EIF4A2: variants seen among roughly 807,000 people sequenced by gnomAD.
EIF4A2 encodes eukaryotic translation initiation factor 4A2, also known as eukaryotic initiation factor 4A-II.
EIF4A2 carries 9 observed loss-of-function variants against 50.6 expected under a neutral mutation model. The observed-to-expected ratio is 0.18, with a 90% CI of 0.11 to 0.31. The LOEUF (loss-of-function observed/expected upper bound fraction) is 0.31. Among genes scored for constraint, EIF4A2 ranks in the 10% least tolerant of loss-of-function variants. EIF4A2 has a pLI of 1.00. For missense variants in EIF4A2, 182 were observed against 501.8 expected (o/e 0.36, Z 6.09); for synonymous variants, 215 against 164.4 (o/e 1.31, Z -2.35).
Position 186,787,162 on chromosome 3 carries a change from G to A in EIF4A2, c.807G>A (p.Glu269=). The change falls in exon 8 of 11, where the codon GAG becomes GAA. Residue 269 remains glutamate (E), a synonymous_variant. Coordinates refer to ENST00000323963, the MANE Select transcript of EIF4A2 (RefSeq NM_001967.4). ...TGGATACACTTTGTGACTTGTACGA[G>A]ACACTGACCATTACACAGGCTGTTA... ...WKLDTLCDLY[E]TLTITQAVIF... 6.2e-7 allele frequency: 1 copy of A among 1,614,044 alleles called. No homozygotes were observed. Among genetic ancestry groups the A allele is most frequent in the African/African-American group, 1.3e-5 (1 of 75,050 alleles).
At chr3:186,786,994 C>T (rs1721767176) in intron 7 of EIF4A2, 133 bp from the exon 8 acceptor site, 1 of 1,337,976 alleles carries the variant, frequency 7.5e-7, no homozygotes, top group South Asian at 1.3e-5. Context: ...GGTTGGAACT[C>T]TGGGCTCTAA....
In EIF4A2 at chr3:186,788,764, GCT is replaced by G. The variant is rs576104134; in HGVS notation, c.1080-358_1080-357del. 4.6e-3 allele frequency: 1,089 copies of G among 237,892 alleles called. 4 individuals are homozygous for G. The highest frequency in any genetic ancestry group is 7.1e-3 in the Non-Finnish European group (859 of 120,262). 14.7% of individuals were successfully genotyped at this position (237,892 alleles called of 1,614,324 possible). A position where few individuals can be genotyped will look rare whatever the true frequency, so the allele number is the denominator to read the frequency against. Reference sequence around the variant, plus strand: ...GTGCGTCGAAATGGATTACATAACTGCTCTTTTATTCCTGGTGTTCACATCTG... The same window carrying G: ...GTGCGTCGAAATGGATTACATAACTGCTTTTATTCCTGGTGTTCACATCTG... On this transcript the variant is annotated intron_variant, in intron 10 of 10. Coordinates refer to ENST00000323963, the MANE Select transcript of EIF4A2 (RefSeq NM_001967.4).
intron 6 of EIF4A2, 64 bp downstream of exon 6, chr3:186,786,337 AC>A: frequency 6.5e-7 from 1 of 1,541,132 alleles, no homozygotes; most frequent in Non-Finnish European, 8.8e-7. Flanking sequence ...AGGTACTGTT[AC>A]AATACAACTG....
In EIF4A2 at chr3:186,785,906, T is replaced by G. The variant is rs1721677506; in HGVS notation, c.372T>G (p.Leu124=). The G allele has an allele frequency of 6.3e-7, 1 of 1,595,510 alleles. No individual in the cohort carries two copies. Among genetic ancestry groups the G allele is most frequent in the Non-Finnish European group, 8.6e-7 (1 of 1,164,528 alleles). Residue 124 remains leucine (L), a synonymous_variant, in exon 5 of 11, where the codon CTT becomes CTG. Coordinates refer to ENST00000323963, the MANE Select transcript of EIF4A2 (RefSeq NM_001967.4). ...AQQIQKVILA[L]GDYMGATCHA... is the part of the protein sequence containing the mutation. Reference sequence around the variant, plus strand: ...AGATCCAAAAGGTAATTCTGGCACTTGGAGACTATATGGGAGCCACTTGTC... The same window carrying G: ...AGATCCAAAAGGTAATTCTGGCACTGGGAGACTATATGGGAGCCACTTGTC...
intron 1 of EIF4A2, 200 bp downstream of exon 1, chr3:186,783,839 G>T (rs986054426): frequency 1.9e-5 from 15 of 778,260 alleles, no homozygotes; most frequent in African/African-American, 1.9e-4. Context: ...GAAAGCAGTG[G>T]CTAAAGGGCG....
Position 186,789,393 on chromosome 3 carries a change from T to TA in EIF4A2, c.*125dup, listed in dbSNP as rs1480880923. On this transcript the variant is annotated 3_prime_UTR_variant, in exon 11 of 11. Transcript: ENST00000323963. Reference sequence around the variant, plus strand: ...CTCAATGCTCATAACGGATCAGAAATACAGATTTTGATAGCAAAGCGACGT... The same window carrying TA: ...CTCAATGCTCATAACGGATCAGAAATAACAGATTTTGATAGCAAAGCGACGT... The TA allele has an allele frequency of 7.3e-6, 10 of 1,371,732 alleles. 1 individual carries two copies. The highest frequency in any genetic ancestry group is 1.6e-5 in the South Asian group (1 of 62,288). The allele number at this position is 1,371,732 out of a possible 1,614,324, so 85.0% of individuals were successfully genotyped here. A position where few individuals can be genotyped will look rare whatever the true frequency, so the allele number is the denominator to read the frequency against.
intron 4 of EIF4A2, chr3:186,785,406 G>C: frequency 2.4e-6 from 1 of 413,520 alleles, no homozygotes; most frequent in Non-Finnish European, 4.4e-6. Context: ...GTTACCATTT[G>C]ACTGTCTCCG....
At chr3:186,788,635 A>C (rs1037002286) in intron 10 of EIF4A2, 25 of 246,354 alleles carry the variant, frequency 1.0e-4, no homozygotes, top group African/African-American at 5.7e-4. Flanking sequence ...AGCAGTGATA[A>C]GTTTGGGTTA....
At chr3:186,788,298 T>A in intron 10 of EIF4A2, 2 of 1,291,910 alleles carry the variant, frequency 1.5e-6, no homozygotes, top group Non-Finnish European at 2.0e-6. Context: ...AAAGACTTTT[T>A]AAAAAATACA....
At chr3:186,789,077 TTTATACA>T (rs1721972815) in intron 10 of EIF4A2, 41 bp from the exon 11 acceptor site, 1 of 1,596,084 alleles carries the variant, frequency 6.3e-7, no homozygotes, top group Non-Finnish European at 8.5e-7. Flanking sequence ...TGTTCAGTAG[TTTATACA>T]TTATGTGAGA....
chr3:186,786,382 A>G (rs1203554863), intron 6 of EIF4A2, 109 bp downstream of exon 6: 7 of 1,523,730 alleles, frequency 4.6e-6, no homozygotes, highest in Admixed American at 2.0e-5. Flanking sequence ...TGCTTAAAGC[A>G]CTTGATGCAT....
rs773154716 is a variant in EIF4A2, at chr3:186,787,261, T to C, written c.906T>C (p.Ala302=). The part of the protein sequence containing the change: ...KMHARDFTVS[A]LHGDMDQKER... ...ATGCCAGAGACTTCACAGTTTCTGC[T>C]CTGGTAAGAGGTGTTCTAAAATGTC... The change falls in exon 8 of 11, where the codon GCT becomes GCC. Residue 302 remains alanine (A), a synonymous_variant. Coordinates refer to ENST00000323963, the MANE Select transcript of EIF4A2 (RefSeq NM_001967.4). 3.1e-6 allele frequency: 5 copies of C among 1,614,092 alleles called. No individual in the cohort carries two copies. Among genetic ancestry groups the C allele is most frequent in the South Asian group, 1.1e-5 (1 of 91,080 alleles).
intron 7 of EIF4A2, 109 bp downstream of exon 7, chr3:186,786,754 C>G: frequency 6.9e-7 from 1 of 1,440,230 alleles, no homozygotes. Context: ...TAGCAGAGTA[C>G]ACACAAGAAG....
At chr3:186,788,939 T>C in intron 10 of EIF4A2, 186 bp from the exon 11 acceptor site, 1 of 723,696 alleles carries the variant, frequency 1.4e-6, no homozygotes, top group Non-Finnish European at 2.1e-6. Context: ...CCTTGAATCC[T>C]TTTGGCACTA....
At chr3:186,789,057 T>TGGA in intron 10 of EIF4A2, 68 bp from the exon 11 acceptor site, 1 of 1,522,218 alleles carries the variant, frequency 6.6e-7, no homozygotes, top group Non-Finnish European at 8.8e-7. Context: ...GGTTAACAAG[T>TGGA]GGATCGTCAT....
At chr3:186,787,080 G>C in intron 7 of EIF4A2, 47 bp from the exon 8 acceptor site, 1 of 1,609,254 alleles carries the variant, frequency 6.2e-7, no homozygotes, top group East Asian at 2.2e-5. Context: ...TAACTGAAGA[G>C]TTGGAAAAAC....
At chr3:186,787,927 T>C (rs1721842090) in intron 10 of EIF4A2, 45 bp downstream of exon 10, 1 of 1,587,950 alleles carries the variant, frequency 6.3e-7, no homozygotes, top group Non-Finnish European at 8.6e-7. Flanking sequence ...ATTCATACGT[T>C]TTTCTACTGT....
chr3:186,784,167 G>A (rs1721548261), intron 1 of EIF4A2: 5 of 552,498 alleles, frequency 9.0e-6, no homozygotes, highest in South Asian at 2.2e-5. Context: ...GTTGGGGGCG[G>A]AGTTCGGCGC....
chr3:186,788,601 AC>A, intron 10 of EIF4A2: 1 of 343,060 alleles, frequency 2.9e-6, no homozygotes, highest in South Asian at 3.7e-5. Context: ...AATTTGAGTT[AC>A]AACGTGTGAA....
Sources: allele counts gnomAD v4.1 joint callset, GRCh38; gene constraint gnomAD v4.1.1; transcripts MANE v1.5; gene names NCBI Gene and HGNC (gene_info 2026-07-23, HGNC 2026-07-21).